The following MFSD1 variants were observed in gnomAD, a reference collection of about 807,000 sequenced individuals.
MFSD1 encodes the protein major facilitator superfamily domain containing 1, also known as lysosomal dipeptide transporter MFSD1.
MFSD1 carries 59 observed loss-of-function variants against 67.1 expected under a neutral mutation model. The ratio of observed to expected loss-of-function variants is 0.88; its 90% confidence interval spans 0.71 to 1.09. The LOEUF (loss-of-function observed/expected upper bound fraction) is 1.09, where lower values mean the gene tolerates loss of function less well. Ranked by LOEUF, MFSD1 falls within the 50% of genes least tolerant of loss-of-function variation. MFSD1 has a pLI of 0.00. For synonymous variants in MFSD1, 213 were observed against 200.3 expected, an observed-to-expected ratio of 1.06 and a Z score of -0.54; for missense variants, 552 against 566.1, an observed-to-expected ratio of 0.97 and a Z score of 0.25.
chr3:158,804,387 A>C lies in MFSD1; in HGVS notation c.216+16A>C. ...AGTTAAACGAGTAAGTTGATTTTTC[A>C]CTCTTGTTTCTTTTGTTTTCTTTAG... On this transcript the variant is annotated intron_variant, in intron 2 of 15. Coordinates refer to ENST00000415822, the MANE Select transcript of MFSD1 (RefSeq NM_022736.4). The C allele has an allele frequency of 3.1e-6, 5 of 1,605,360 alleles. No homozygotes were observed. Among genetic ancestry groups the C allele is most frequent in the Non-Finnish European group, 1.7e-6 (2 of 1,175,514 alleles).
intron 8 of MFSD1, 97 bp downstream of exon 8, chr3:158,819,844 G>C (rs773735679): frequency 1.6e-6 from 1 of 614,512 alleles, no homozygotes; most frequent in Non-Finnish European, 2.8e-6. Flanking sequence ...GTAAAACCAG[G>C]TGGAGCTTAA....
At chr3:158,802,775 A>G (rs188819287) in intron 1 of MFSD1, among the ~76,000 whole-genome samples, 26 of 152,252 alleles carry the variant, frequency 1.7e-4, no homozygotes, top group Non-Finnish European at 2.9e-4. Flanking sequence ...AAAGTGGCTT[A>G]CTGCAGCCTC....
At chr3:158,823,113 A>G (rs73158380) in intron 11 of MFSD1, 54,136 of 273,558 alleles carry the variant, frequency 0.2, 6,078 homozygotes, top group Middle Eastern at 0.27. Flanking sequence ...AAACATTGGT[A>G]AGAACTTTTT....
chr3:158,828,946 C>A, intron 15 of MFSD1, 33 bp from the exon 16 acceptor site: 2 of 1,588,102 alleles, frequency 1.3e-6, no homozygotes, highest in Non-Finnish European at 1.7e-6. Flanking sequence ...TTTTTTCTTC[C>A]TCTTTGGTAA....
chr3:158,804,843 T>G, intron 2 of MFSD1, among the ~76,000 whole-genome samples: 1 of 152,152 alleles, frequency 6.6e-6, no homozygotes. Context: ...ATATTTACAG[T>G]TTTTTGGGTA....
chr3:158,820,210 C>G lies in MFSD1; in HGVS notation c.752-5C>G, dbSNP rs761372681. ...GCTGATAGTGTCTTCCCTTTCTTCTCTAAGGTGAAGTTATTAAATTAACTG... is the reference window on the plus strand; with the variant it reads ...GCTGATAGTGTCTTCCCTTTCTTCTGTAAGGTGAAGTTATTAAATTAACTG... On this transcript the variant is annotated splice_region_variant and splice_polypyrimidine_tract_variant and intron_variant, in intron 8 of 15. Coordinates refer to ENST00000415822, the MANE Select transcript of MFSD1 (RefSeq NM_022736.4). The G allele has an allele frequency of 5.2e-6, 8 of 1,528,998 alleles. No homozygotes were observed. In the Admixed American group the frequency reaches 1.0e-4, roughly 19 times the overall value. The allele number at this position is 1,528,998 out of a possible 1,614,324, so 94.7% of individuals were successfully genotyped here.
intron 15 of MFSD1, among the ~76,000 whole-genome samples, chr3:158,827,915 G>GGGGGGA (rs1731075460): frequency 1.2e-5 from 1 of 82,406 alleles, no homozygotes; most frequent in African/African-American, 6.7e-5. Context: ...AGAGAGAGGG[G>GGGGGGA]GAGAGAGAGA....
chr3:158,810,729 C>T (rs1275315235), intron 6 of MFSD1, among the ~76,000 whole-genome samples: 1 of 152,122 alleles, frequency 6.6e-6, no homozygotes, highest in Non-Finnish European at 1.5e-5. Flanking sequence ...ATGAGAGGAT[C>T]CCTTTTATTG....
intron 3 of MFSD1, among the ~76,000 whole-genome samples, chr3:158,806,220 A>G (rs959002252): frequency 6.6e-6 from 1 of 152,222 alleles, no homozygotes; most frequent in Non-Finnish European, 1.5e-5. Context: ...GAGTTAAAAT[A>G]TGAAGGAAGA....
Position 158,809,164 on chromosome 3 carries a change from T to C in MFSD1, c.441-15T>C, listed in dbSNP as rs774368415. On this transcript the variant is annotated splice_polypyrimidine_tract_variant and intron_variant, in intron 5 of 15. Transcript: ENST00000415822. ...AGTTGTGACTTCTGGTTTTTTTTTT[T>C]TTTTCTATTTTTAGGATTGGTGGCG... 2 of 1,541,534 alleles carry C rather than the reference T, an allele frequency of 1.3e-6. No homozygotes were observed. Among genetic ancestry groups the C allele is most frequent in the Non-Finnish European group, 1.7e-6 (2 of 1,149,218 alleles).
chr3:158,827,937 A>AGG (rs1731083605), intron 15 of MFSD1, among the ~76,000 whole-genome samples: 1 of 33,538 alleles, frequency 3.0e-5, no homozygotes, highest in African/African-American at 1.2e-4. Flanking sequence ...AGAGAGAGAG[A>AGG]GAGAGGGGGA....
In MFSD1 at chr3:158,823,391, T is replaced by C. The variant is rs938236076; in HGVS notation, c.1078-37T>C. The C allele has an allele frequency of 2.2e-6, 3 of 1,374,638 alleles. No homozygotes were observed. In the African/African-American group the frequency reaches 4.3e-5, roughly 20 times the overall value. The allele number at this position is 1,374,638 out of a possible 1,614,324, so 85.2% of individuals were successfully genotyped here. ...TAAAGGAAAATCACCTTTTGGTTAA[T>C]GTAAGACTGTGACCTTTTCTGCGTT... On this transcript the variant is annotated intron_variant, in intron 11 of 15. Transcript: ENST00000415822.
intron 3 of MFSD1, among the ~76,000 whole-genome samples, chr3:158,806,398 A>T (rs554250161): frequency 2.0e-5 from 3 of 152,200 alleles, no homozygotes; most frequent in Admixed American, 6.5e-5. Context: ...GCTAGAGAAC[A>T]TTCAGTAGAA....
intron 11 of MFSD1, chr3:158,823,148 T>C (rs1284358793): frequency 9.0e-6 from 3 of 332,388 alleles, no homozygotes; most frequent in Non-Finnish European, 1.7e-5. Flanking sequence ...TTTTCTTACT[T>C]GGTCCTTGAC....
At chr3:158,806,911 G>T in intron 3 of MFSD1, 129 bp from the exon 4 acceptor site, 2 of 686,630 alleles carry the variant, frequency 2.9e-6, no homozygotes, top group Non-Finnish European at 2.4e-6. Context: ...GGAATACAGA[G>T]GGAGGCAAAG....
chr3:158,814,158 A>G, intron 7 of MFSD1, 91 bp downstream of exon 7: 4 of 940,234 alleles, frequency 4.3e-6, no homozygotes, highest in South Asian at 2.9e-5. Context: ...TGGAATTTGT[A>G]TCTACTTTGG....
At chr3:158,824,290 C>A in intron 13 of MFSD1, 54 bp downstream of exon 13, 5 of 1,232,456 alleles carry the variant, frequency 4.1e-6, no homozygotes, top group South Asian at 1.3e-5. Context: ...ACAGAATGTT[C>A]TTATTTTTAC....
chr3:158,823,629 G>A (rs575730287), intron 12 of MFSD1, 104 bp downstream of exon 12: 3 of 885,364 alleles, frequency 3.4e-6, no homozygotes, highest in South Asian at 2.7e-5. Context: ...AGCCTCTGGG[G>A]TAGCGCTGAA....
At position 158,802,550 on chromosome 3, in the gene MFSD1, G is replaced by T. The variant is rs551989906; in HGVS notation, c.163+235G>T. The T allele has an allele frequency of 1.7e-4, 117 of 702,618 alleles. No homozygotes were observed. The South Asian group carries it at 1.7e-3, about 10-fold the overall frequency. The allele number at this position is 702,618 out of a possible 1,614,324, so 43.5% of individuals were successfully genotyped here. On this transcript the variant is annotated intron_variant, in intron 1 of 15. Transcript: ENST00000415822. ...GGGACTGAGCTGGGCGAGTTTTGTG[G>T]CACTCCTTTGCTCTTCAGTAAGTCC...
Sources: allele counts gnomAD v4.1 joint callset (sites outside exome capture counted in the v4.1 genomes callset), GRCh38; gene constraint gnomAD v4.1.1; transcripts MANE v1.5; gene names NCBI Gene and HGNC (gene_info 2026-07-23, HGNC 2026-07-21).